The following PFKFB3 variants were observed in gnomAD, a reference collection of about 807,000 sequenced individuals.
PFKFB3 encodes 6-phosphofructo-2-kinase/fructose-2,6-biphosphatase 3.
Under a neutral mutation model 68.0 loss-of-function variants are expected in PFKFB3, and 33 were observed. That is an observed-to-expected ratio of 0.49 (90% CI 0.37 to 0.65). The LOEUF (loss-of-function observed/expected upper bound fraction) is 0.65. Among genes scored for constraint, PFKFB3 ranks in the 30% least tolerant of loss-of-function variants. The pLI is 0.00. For missense variants in PFKFB3, 586 were observed against 712.2 expected, an observed-to-expected ratio of 0.82 and a Z score of 2.02; for synonymous variants, 315 against 288.2, an observed-to-expected ratio of 1.09 and a Z score of -0.94.
chr10:6,240,040 TC>T (rs931086758), downstream of PFKFB3, among the ~76,000 whole-genome samples: 1 of 152,184 alleles, frequency 6.6e-6, no homozygotes, highest in Non-Finnish European at 1.5e-5. Flanking sequence ...ATCCCCAACT[TC>T]CACATTCACC....
chr10:6,209,263 A>G (rs775849912), intron 1 of PFKFB3, among the ~76,000 whole-genome samples: 7 of 152,138 alleles, frequency 4.6e-5, no homozygotes, highest in Non-Finnish European at 1.0e-4. Flanking sequence ...CAGGGTCTTT[A>G]CACAGTTGTT....
chr10:6,167,818 A>G (rs904210618), intron 1 of PFKFB3, among the ~76,000 whole-genome samples: 7 of 152,136 alleles, frequency 4.6e-5, no homozygotes, highest in East Asian at 3.9e-4. Flanking sequence ...TTCCTCTCCT[A>G]CGCCCTTAGG....
chr10:6,290,378 C>T, the PFKFB3 span, among the ~76,000 whole-genome samples: 1 of 152,074 alleles, frequency 6.6e-6, no homozygotes, highest in Non-Finnish European at 1.5e-5. Flanking sequence ...AGATATGTCC[C>T]ATCAATACCT....
intron 1 of PFKFB3, among the ~76,000 whole-genome samples, chr10:6,207,423 C>T (rs1477975578): frequency 2.0e-5 from 3 of 152,028 alleles, no homozygotes; most frequent in Non-Finnish European, 4.4e-5. Flanking sequence ...AGAGGGAGAC[C>T]GTGGGGAGAG....
At position 6,150,829 on chromosome 10, in the gene PFKFB3, C is replaced by A. The variant is rs533089725; in HGVS notation, c.16+5816C>A. 5.3e-5 allele frequency among the ~76,000 whole-genome samples: 8 copies of A among 152,298 alleles called. No homozygotes were observed. In the South Asian group the frequency reaches 1.4e-3, roughly 28 times the overall value. ...CCTGACCAACATGGTGAAACCCCGT[C>A]TCTACTAAAAGTATGAACAATTAGC... On this transcript the variant is annotated intron_variant, in intron 1 of 14. Transcript: ENST00000379789.
At chr10:6,274,519 C>T in the PFKFB3 span, among the ~76,000 whole-genome samples, 2 of 152,200 alleles carry the variant, frequency 1.3e-5, no homozygotes, top group African/African-American at 4.8e-5. Context: ...ACCGTAATTT[C>T]ACAGTAGAGA....
At chr10:6,232,459 G>A (rs1218056279) in intron 14 of PFKFB3, among the ~76,000 whole-genome samples, 1 of 152,162 alleles carries the variant, frequency 6.6e-6, no homozygotes, top group Non-Finnish European at 1.5e-5. Flanking sequence ...TGCAGGAGCT[G>A]GGAGTGTGGC....
Position 6,210,448 on chromosome 10 carries a change from C to G in PFKFB3, c.77-3175C>G, listed in dbSNP as rs185094313. ...CTATCTCGGCTCACTGCAAGCTCCGCCTCCCGGGTTCACGCCATTCTCCTG... is the reference window on the plus strand; with the variant it reads ...CTATCTCGGCTCACTGCAAGCTCCGGCTCCCGGGTTCACGCCATTCTCCTG... On this transcript the variant is annotated intron_variant, in intron 1 of 14. Transcript: ENST00000379775. Among the ~76,000 whole-genome samples, 5 of 110,788 alleles carry G rather than the reference C, an allele frequency of 4.5e-5. 1 individual carries two copies. The South Asian group carries it at 1.8e-3, about 40-fold the overall frequency. 72.7% of individuals were successfully genotyped at this position (110,788 alleles called of 152,430 possible). A position where few individuals can be genotyped will look rare whatever the true frequency, so the allele number is the denominator to read the frequency against.
the PFKFB3 span, among the ~76,000 whole-genome samples, chr10:6,310,456 A>G: frequency 2.6e-4 from 39 of 150,712 alleles, no homozygotes; most frequent in African/African-American, 8.3e-4. Flanking sequence ...TGTTTAAGTC[A>G]TTAAAAAGAT....
In PFKFB3 at chr10:6,220,182, G is replaced by A. The variant is rs192691807; in HGVS notation, c.624-476G>A. ...AGTGGCATGATCATAGCTCACTGCAGGTTCAAACTTCTGGGCTCAAGTAAT... is the reference window on the plus strand; with the variant it reads ...AGTGGCATGATCATAGCTCACTGCAAGTTCAAACTTCTGGGCTCAAGTAAT... On this transcript the variant is annotated intron_variant, in intron 7 of 14. Coordinates refer to ENST00000379775, the MANE Select transcript of PFKFB3 (RefSeq NM_004566.4). The surrounding 1 kb of genome is among the most constrained non-coding windows in gnomAD (Gnocchi z 4.1). Among the ~76,000 whole-genome samples, 731 of 151,520 alleles carry A rather than the reference G, an allele frequency of 4.8e-3. 10 individuals carry two copies. The highest frequency in any genetic ancestry group is 0.026 in the South Asian group (123 of 4,804).
In PFKFB3 at chr10:6,222,881, G is replaced by C; in HGVS notation, c.1110G>C (p.Leu370Phe). 6.2e-7 allele frequency: 1 copy of C among 1,613,906 alleles called. No homozygotes were observed. Among genetic ancestry groups the C allele is most frequent in the South Asian group, 1.1e-5 (1 of 91,054 alleles). The change falls in exon 11 of 15, where the codon TTG becomes TTC. Residue 370 changes from leucine to phenylalanine, a missense_variant. Transcript: ENST00000379775. Reference protein sequence around the residue: ...GESYQDLVQRLEPVIMELERQ... With the variant: ...GESYQDLVQRFEPVIMELERQ... ...CCTACCAGGACCTGGTCCAGCGCTT[G>C]GAGCCAGTGATCATGGAGCTGGAGC...
At chr10:6,235,829 C>T (rs191467719), downstream of PFKFB3, among the ~76,000 whole-genome samples, 259 of 149,566 alleles carry the variant, frequency 1.7e-3, no homozygotes, top group African/African-American at 5.7e-3. Flanking sequence ...TGCAGTGGCG[C>T]GATCTCAGCT....
intron 1 of PFKFB3, among the ~76,000 whole-genome samples, chr10:6,209,622 G>T (rs544724360): frequency 7.2e-5 from 11 of 151,812 alleles, no homozygotes; most frequent in Admixed American, 3.3e-4. Context: ...CTGCTACCAC[G>T]CCTGGCTAAT....
At chr10:6,185,980 G>A (rs935672811) in intron 1 of PFKFB3, among the ~76,000 whole-genome samples, 5 of 151,974 alleles carry the variant, frequency 3.3e-5, no homozygotes, top group African/African-American at 9.7e-5. Context: ...CTCTCCCAGT[G>A]GTATAAAGTC....
At chr10:6,283,432 T>G in the PFKFB3 span, among the ~76,000 whole-genome samples, 40 of 136,634 alleles carry the variant, frequency 2.9e-4, no homozygotes, top group African/African-American at 1.1e-3. Context: ...CTGGCCATCT[T>G]GAGGCAACAG....
chr10:6,286,494 C>T, the PFKFB3 span, among the ~76,000 whole-genome samples: 1 of 152,306 alleles, frequency 6.6e-6, no homozygotes, highest in African/African-American at 2.4e-5. Context: ...TCTCCTGCCT[C>T]AGCCTCCCAA....
In PFKFB3 at chr10:6,177,438, C is replaced by CTT. The variant is rs1554842946; in HGVS notation, c.16+32426_16+32427insTT. On this transcript the variant is annotated intron_variant, in intron 1 of 14. Transcript: ENST00000379789. ...TTCTCTTTCTTCCTTTCTTTTCTTT[C>CTT]TCTTTCTTTCTTTCTTTCTTTCTTT... Among the ~76,000 whole-genome samples the CTT allele has an allele frequency of 3.8e-3, 331 of 86,218 alleles. 3 individuals are homozygous for CTT. Among genetic ancestry groups the CTT allele is most frequent in the Middle Eastern group, 0.021 (4 of 192 alleles). 56.6% of individuals were successfully genotyped at this position (86,218 alleles called of 152,430 possible). A position where few individuals can be genotyped will look rare whatever the true frequency, so the allele number is the denominator to read the frequency against.
intron 1 of PFKFB3, chr10:6,146,221 CTT>C: frequency 2.8e-6 from 4 of 1,433,856 alleles, no homozygotes; most frequent in Non-Finnish European, 2.7e-6. Context: ...ATCTGCCTCT[CTT>C]CTCTCATAAC....
chr10:6,296,950 T>C, the PFKFB3 span, among the ~76,000 whole-genome samples: 1 of 152,204 alleles, frequency 6.6e-6, no homozygotes. Context: ...CTATTCAAGA[T>C]GGAATTGTTC....
Sources: allele counts gnomAD v4.1 joint callset (sites outside exome capture counted in the v4.1 genomes callset), GRCh38; gene constraint gnomAD v4.1.1; non-coding constraint Gnocchi (gnomAD v3.1); transcripts MANE v1.5; gene names NCBI Gene and HGNC (gene_info 2026-07-23, HGNC 2026-07-21).